PHB2: variants seen among roughly 807,000 people sequenced by gnomAD.
PHB2 encodes the protein prohibitin-2.
In PHB2, 22 loss-of-function variants were observed where a neutral mutation model predicts 46.4. The ratio of observed to expected loss-of-function variants is 0.47; its 90% CI spans 0.34 to 0.68. The LOEUF is 0.68. Ranked by LOEUF, PHB2 falls within the 30% of genes least tolerant of loss-of-function variation. The pLI, the probability that PHB2 is intolerant of heterozygous loss-of-function variation, is 0.01. For synonymous variants in PHB2, 156 were observed against 150.5 expected, an observed-to-expected ratio of 1.04 and a Z score of -0.27; for missense variants, 305 against 382.8, an observed-to-expected ratio of 0.80 and a Z score of 1.70.
At chr12:6,968,199 C>T (rs1007787763) in intron 4 of PHB2, among the ~76,000 whole-genome samples, 178 bp from the exon 5 acceptor site, 1 of 152,250 alleles carries the variant, frequency 6.6e-6, no homozygotes, top group South Asian at 2.1e-4. Flanking sequence ...AAAGCCAAGA[C>T]TTGGCCATTT....
At position 6,970,275 on chromosome 12, in the gene PHB2, C is replaced by T; in HGVS notation, c.133G>A (p.Gly45Ser). 1 of 1,613,566 alleles carries T rather than the reference C, an allele frequency of 6.2e-7. No homozygotes were observed. The change falls in exon 2 of 10, where the codon GGC (glycine) becomes AGC (serine). Residue 45 changes from glycine to serine, a missense_variant. Transcript: ENST00000535923. The part of the protein sequence containing the change: ...GVRESVFTVE[G>S]GHRAIFFNRI... ...TTGAAGAAGATGGCTCTGTGCCCGC[C>T]TTCCACTGTGGGGAGATGGGTGGTG...
chr12:6,968,240 C>T (rs1469867776), intron 4 of PHB2, among the ~76,000 whole-genome samples, 171 bp downstream of exon 4: 3 of 152,226 alleles, frequency 2.0e-5, no homozygotes, highest in South Asian at 2.1e-4. Context: ...CGAGTGCTAT[C>T]GAGTTCTAAT....
At position 6,967,439 on chromosome 12, in the gene PHB2, C is replaced by G; in HGVS notation, c.712-191G>C. 1 of 1,326,984 alleles carries G rather than the reference C, an allele frequency of 7.5e-7. No homozygotes were observed. The highest frequency in any genetic ancestry group is 1.1e-6 in the Non-Finnish European group (1 of 927,894). The allele number at this position is 1,326,984 out of a possible 1,614,324, so 82.2% of individuals were successfully genotyped here. On this transcript the variant is annotated intron_variant, in intron 6 of 9. Coordinates refer to ENST00000535923, the MANE Select transcript of PHB2 (RefSeq NM_001144831.2). The surrounding 1 kb of genome is among the most constrained non-coding windows in gnomAD (Gnocchi z 4.9). ...TGCTGCCAGGAACTAGGGGCAGCAC[C>G]AGAAATGAAGGCAAGGCCACCAATG...
chr12:6,970,471 G>C lies in PHB2; in HGVS notation c.73C>G (p.Leu25Val), dbSNP rs372899565. 2 of 1,605,812 alleles carry C rather than the reference G, an allele frequency of 1.2e-6. No homozygotes were observed. Among genetic ancestry groups the C allele is most frequent in the South Asian group, 2.2e-5 (2 of 91,028 alleles). Residue 25 changes from leucine (L) to valine (V), a missense_variant, in exon 1 of 10, where the codon CTG (leucine) becomes GTG (valine). Around this residue, in one of 3 missense-constraint regions of PHB2, gnomAD observed 60 missense variants for 61.0 expected, o/e 0.98. Coordinates refer to ENST00000535923, the MANE Select transcript of PHB2 (RefSeq NM_001144831.2). Reference protein sequence around the residue: ...GPRGMGTALKLLLGAGAVAYG... With the variant: ...GPRGMGTALKVLLGAGAVAYG... The stretch of plus-strand genomic sequence containing the variant: ...GCCACGGCGCCGGCCCCCAGCAACA[G>C]CTTCAGGGCCGTGCCCATGCCCCGG...
intron 3 of PHB2, among the ~76,000 whole-genome samples, chr12:6,969,121 G>T (rs1946269372): frequency 6.6e-6 from 1 of 152,230 alleles, no homozygotes; most frequent in East Asian, 1.9e-4. Context: ...TAGAAGGAGA[G>T]AACAGGTGAA....
Position 6,965,912 on chromosome 12 carries a change from T to A in PHB2, c.871A>T (p.Ser291Cys), listed in dbSNP as rs1555150716. The A allele has an allele frequency of 6.3e-7, 1 of 1,598,906 alleles. No individual in the cohort carries two copies. The highest frequency in any genetic ancestry group is 1.7e-5 in the Admixed American group (1 of 59,918). ...NLQDESFTRGSDSLIKGKK is the reference protein window; with the variant it reads ...NLQDESFTRGCDSLIKGKK The stretch of plus-strand genomic sequence containing the variant: ...CCCACAGAAGCAACAACAGCTTACC[T>A]TCCCCTGTGGTGCCAGATCGCCAGA... Residue 291 changes from serine (S) to cysteine (C), a missense_variant and splice_region_variant, in exon 9 of 10, where the codon AGT becomes TGT. Coordinates refer to ENST00000535923, the MANE Select transcript of PHB2 (RefSeq NM_001144831.2).
chr12:6,970,426 C>T lies in PHB2; in HGVS notation c.118G>A (p.Val40Met). 3.7e-6 allele frequency: 6 copies of T among 1,603,962 alleles called. No individual in the cohort carries two copies. Among genetic ancestry groups the T allele is most frequent in the Non-Finnish European group, 5.1e-6 (6 of 1,179,676 alleles). ...GAVAYGVRESVFTVEGGHRAI... is the reference protein window; with the variant it reads ...GAVAYGVRESMFTVEGGHRAI... ...GGCGGAGGTTGCTCACCGGTGAACA[C>T]AGATTCGCGCACACCGTAGGCCACG... is the stretch of plus-strand genomic sequence containing the variant. The change falls in exon 1 of 10, where the codon GTG becomes ATG. Residue 40 changes from valine to methionine, a missense_variant. Physicochemically the swap from Val to Met is conservative, Grantham distance 21. Coordinates refer to ENST00000535923, the MANE Select transcript of PHB2 (RefSeq NM_001144831.2).
At position 6,967,240 on chromosome 12, in the gene PHB2, T is replaced by C; in HGVS notation, c.720A>G (p.Glu240=). 1 of 1,613,610 alleles carries C rather than the reference T, an allele frequency of 6.2e-7. No individual in the cohort carries two copies. Among genetic ancestry groups the C allele is most frequent in the Non-Finnish European group, 8.5e-7 (1 of 1,179,704 alleles). The change falls in exon 7 of 10, where the codon GAA becomes GAG. Residue 240 remains glutamate (E), a synonymous_variant. Coordinates refer to ENST00000535923, the MANE Select transcript of PHB2 (RefSeq NM_001144831.2). The surrounding 1 kb of genome is among the most constrained non-coding windows in gnomAD (Gnocchi z 4.9). ...TGTAGCCAGGGTTCTTGCTCAGTGC[T>C]TCTCCAAGGTGAGGAGGGTTAAGGT... ...GEAEAAKMLG[E]ALSKNPGYIK... is the part of the protein sequence containing the mutation.
At position 6,967,797 on chromosome 12, in the gene PHB2, C is replaced by CA; in HGVS notation, c.608-19dup. Reference sequence around the variant, plus strand: ...CTGCTGGGCTGTGGTGGGAGAGAGTCAGGGAGACCCTGTCCTGGGTCAGGA... The same window carrying CA: ...CTGCTGGGCTGTGGTGGGAGAGAGTCAAGGGAGACCCTGTCCTGGGTCAGGA... On this transcript the variant is annotated intron_variant, in intron 5 of 9. Transcript: ENST00000535923. The surrounding 1 kb of genome is among the most constrained non-coding windows in gnomAD (Gnocchi z 4.9). 6.2e-7 allele frequency: 1 copy of CA among 1,611,666 alleles called. No individual in the cohort carries two copies.
rs782395405 is a variant in PHB2 at position 6,967,223 on chromosome 12, G to A, written c.737C>T (p.Pro246Leu). ...KMLGEALSKN[P>L]GYIKLRKIRA... ...AATCTTGCGAAGTTTGATGTAGCCA[G>A]GGTTCTTGCTCAGTGCTTCTCCAAG... The change falls in exon 7 of 10, where the codon CCT becomes CTT. Residue 246 changes from proline to leucine, a missense_variant. Physicochemically the swap from Pro to Leu is moderately conservative, Grantham distance 98. This residue lies in a region of PHB2 where 241 missense variants were observed against 302.7 expected (regional missense o/e 0.80). Coordinates refer to ENST00000535923, the MANE Select transcript of PHB2 (RefSeq NM_001144831.2). This position sits in a 1 kb window ranked among gnomAD's most constrained non-coding sequence, Gnocchi z 4.9. 3 of 1,612,030 alleles carry A rather than the reference G, an allele frequency of 1.9e-6. No individual in the cohort carries two copies. The highest frequency in any genetic ancestry group is 2.7e-5 in the African/African-American group (2 of 75,032).
At chr12:6,968,361 G>C (rs370177693) in intron 4 of PHB2, 50 bp downstream of exon 4, 2 of 1,336,482 alleles carry the variant, frequency 1.5e-6, no homozygotes, top group Admixed American at 1.9e-5. Flanking sequence ...CAATACTCTG[G>C]GCCTAGGAAG....
At chr12:6,966,618 T>C in intron 7 of PHB2, 118 bp from the exon 8 acceptor site, 1 of 730,464 alleles carries the variant, frequency 1.4e-6, no homozygotes, top group Non-Finnish European at 2.5e-6. Flanking sequence ...GGTGCAGCAA[T>C]GAGTAACACA....
rs1311457398 is a variant in PHB2 at position 6,970,643 on chromosome 12, G to C, written c.-100C>G. ...TACTGCACCCTTCACACGAGGGTTC[G>C]GGCCCGTAAGGCTGGCGAAAGAAAG... On this transcript the variant is annotated 5_prime_UTR_variant, in exon 1 of 10. Transcript: ENST00000535923. The C allele has an allele frequency of 3.7e-6, 5 of 1,366,930 alleles. No individual in the cohort carries two copies. Among genetic ancestry groups the C allele is most frequent in the Middle Eastern group, 2.7e-4 (1 of 3,740 alleles). The allele number at this position is 1,366,930 out of a possible 1,614,324, so 84.7% of individuals were successfully genotyped here. A position where few individuals can be genotyped will look rare whatever the true frequency, so the allele number is the denominator to read the frequency against.
Position 6,967,427 on chromosome 12 carries a change from T to G in PHB2, c.712-179A>C, listed in dbSNP as rs782093825. Reference sequence around the variant, plus strand: ...CTCCCTGCAGGCTGCTGCCAGGAACTAGGGGCAGCACCAGAAATGAAGGCA... The same window carrying G: ...CTCCCTGCAGGCTGCTGCCAGGAACGAGGGGCAGCACCAGAAATGAAGGCA... On this transcript the variant is annotated intron_variant, in intron 6 of 9. Transcript: ENST00000535923. The surrounding 1 kb of genome is among the most constrained non-coding windows in gnomAD (Gnocchi z 4.9). 20 of 1,400,706 alleles carry G rather than the reference T, an allele frequency of 1.4e-5. No homozygotes were observed. The South Asian group carries it at 2.3e-4, about 16-fold the overall frequency. 86.8% of individuals were successfully genotyped at this position (1,400,706 alleles called of 1,614,324 possible).
In PHB2 at chr12:6,967,702, C is replaced by G; in HGVS notation, c.685G>C (p.Glu229Gln). The G allele has an allele frequency of 6.2e-7, 1 of 1,613,860 alleles. No homozygotes were observed. The highest frequency in any genetic ancestry group is 8.5e-7 in the Non-Finnish European group (1 of 1,179,810). The change falls in exon 6 of 10, where the codon GAG becomes CAG. Residue 229 changes from glutamate (E) to glutamine (Q), a missense_variant. Glu to Gln is a conservative substitution (Grantham distance 29, BLOSUM62 2). Coordinates refer to ENST00000535923, the MANE Select transcript of PHB2 (RefSeq NM_001144831.2). The surrounding 1 kb of genome is among the most constrained non-coding windows in gnomAD (Gnocchi z 4.9). ...QEQRQKIVQA[E>Q]GEAEAAKMLG... ...ATCTTGGCAGCCTCGGCCTCACCCTCGGCCTGCACAATTTTCTGCCGCTGT... is the reference window on the plus strand; with the variant it reads ...ATCTTGGCAGCCTCGGCCTCACCCTGGGCCTGCACAATTTTCTGCCGCTGT...
intron 4 of PHB2, among the ~76,000 whole-genome samples, 164 bp from the exon 5 acceptor site, chr12:6,968,185 A>G (rs1799813174): frequency 6.6e-6 from 1 of 152,240 alleles, no homozygotes; most frequent in Non-Finnish European, 1.5e-5. Context: ...GAAGAGGTGC[A>G]GGAAAAGCCA....
chr12:6,967,581 G>T lies in PHB2; in HGVS notation c.711+95C>A. ...GCCAAGGGCCAGAGAGCACGGAGTC[G>T]CATTCGCCTTAGTCTCATCAGCCTG... On this transcript the variant is annotated intron_variant, in intron 6 of 9. Transcript: ENST00000535923. The surrounding 1 kb of genome is among the most constrained non-coding windows in gnomAD (Gnocchi z 4.9). 9.5e-7 allele frequency: 1 copy of T among 1,053,912 alleles called. No individual in the cohort carries two copies. The highest frequency in any genetic ancestry group is 1.5e-6 in the Non-Finnish European group (1 of 675,538). 65.3% of individuals were successfully genotyped at this position (1,053,912 alleles called of 1,614,324 possible).
chr12:6,966,300 T>G (rs1245000939), intron 8 of PHB2, 124 bp downstream of exon 8: 5 of 693,482 alleles, frequency 7.2e-6, no homozygotes, highest in Non-Finnish European at 1.3e-5. Context: ...AACCACCCCC[T>G]TTTCTAATTT....
rs368931766 is a variant in PHB2 at position 6,967,799 on chromosome 12, G to A, written c.608-20C>T. On this transcript the variant is annotated intron_variant, in intron 5 of 9. Transcript: ENST00000535923. The surrounding 1 kb of genome is among the most constrained non-coding windows in gnomAD (Gnocchi z 4.9). The stretch of plus-strand genomic sequence containing the variant: ...GCTGGGCTGTGGTGGGAGAGAGTCA[G>A]GGAGACCCTGTCCTGGGTCAGGAGC... 68 of 1,611,066 alleles carry A rather than the reference G, an allele frequency of 4.2e-5. No individual in the cohort carries two copies. In the African/African-American group the frequency reaches 8.5e-4, roughly 20 times the overall value.
Sources: allele counts gnomAD v4.1 joint callset (sites outside exome capture counted in the v4.1 genomes callset), GRCh38; gene constraint gnomAD v4.1.1; regional missense constraint gnomAD v4.1.1; non-coding constraint Gnocchi (gnomAD v3.1); transcripts MANE v1.5; gene names NCBI Gene and HGNC (gene_info 2026-07-23, HGNC 2026-07-21).